Variants in LAMA3 observed in about 807,000 individuals in gnomAD.
LAMA3 encodes laminin subunit alpha-3.
In LAMA3, 281 loss-of-function variants were observed where a neutral mutation model predicts 402.0. The ratio of observed to expected loss-of-function variants is 0.70; its 90% confidence interval spans 0.63 to 0.77. The LOEUF is 0.77. Ranked by LOEUF, LAMA3 falls within the 30% of genes least tolerant of loss-of-function variation. The pLI is 0.00. For synonymous variants in LAMA3, 1,431 were observed against 1,558.4 expected (o/e 0.92, Z 1.93); for missense variants, 3,840 against 4,215.5 (o/e 0.91, Z 2.47).
At chr18:23,841,132 A>G (rs1349243542) in intron 27 of LAMA3, among the ~76,000 whole-genome samples, 1 of 152,240 alleles carries the variant, frequency 6.6e-6, no homozygotes, top group Non-Finnish European at 1.5e-5. Flanking sequence ...GGCAGTCCAG[A>G]ATAATAGGGG....
intron 68 of LAMA3, among the ~76,000 whole-genome samples, chr18:23,940,366 G>A (rs758856044): frequency 7.2e-5 from 11 of 152,206 alleles, no homozygotes; most frequent in East Asian, 1.9e-4. Flanking sequence ...TAAATGGCCC[G>A]GCTCTAATAC....
chr18:23,797,331 T>A (rs2062783652), intron 12 of LAMA3, among the ~76,000 whole-genome samples: 1 of 152,088 alleles, frequency 6.6e-6, no homozygotes, highest in Non-Finnish European at 1.5e-5. Context: ...TTACAACCAA[T>A]CACCATGGCC....
At chr18:23,707,194 A>G (rs940876420) in intron 1 of LAMA3, among the ~76,000 whole-genome samples, 13 of 152,216 alleles carry the variant, frequency 8.5e-5, no homozygotes, top group African/African-American at 2.9e-4. Flanking sequence ...ACTTAGTTGC[A>G]TTCAGCTGGT....
chr18:23,894,775 G>C, intron 43 of LAMA3, 132 bp from the exon 44 acceptor site: 1 of 1,111,596 alleles, frequency 9.0e-7, no homozygotes, highest in South Asian at 1.3e-5. Flanking sequence ...CCATCCCTGA[G>C]AAGGCCAGGG....
Position 23,890,021 on chromosome 18 carries a change from G to T in LAMA3, c.5314G>T (p.Gly1772Ter). 1 of 1,613,300 alleles carries T rather than the reference G, an allele frequency of 6.2e-7. No homozygotes were observed. The highest frequency in any genetic ancestry group is 8.5e-7 in the Non-Finnish European group (1 of 1,179,266). Residue 1772 changes from glycine (G) to a stop codon, truncating the protein, a stop_gained, in exon 42 of 75, where the codon GGA (glycine) becomes TGA (stop). Coordinates refer to ENST00000313654, the MANE Select transcript of LAMA3 (RefSeq NM_198129.4). LOFTEE classifies it high-confidence loss of function. ...CTATATTTTGTGTAGGTGTGCACCG[G>T]GATATTTCGGGAATCCCCAGAAATT... ...TGTQCERCAP[G>*]YFGNPQKFGG...
At chr18:23,753,914 A>G (rs1568147377) in intron 6 of LAMA3, 102 bp downstream of exon 6, 2 of 791,246 alleles carry the variant, frequency 2.5e-6, no homozygotes, top group East Asian at 5.3e-5. Context: ...TCCTGTCCTC[A>G]ATAGGAATGA....
chr18:23,883,384 A>G (rs1199039553), intron 40 of LAMA3, among the ~76,000 whole-genome samples: 1 of 152,202 alleles, frequency 6.6e-6, no homozygotes, highest in Non-Finnish European at 1.5e-5. Flanking sequence ...CAAAGGGTTC[A>G]CTGTGGGCCC....
Position 23,814,389 on chromosome 18 carries a change from AT to A in LAMA3, c.1789-10del. The A allele has an allele frequency of 6.4e-7, 1 of 1,572,988 alleles. No individual in the cohort carries two copies. Among genetic ancestry groups the A allele is most frequent in the Non-Finnish European group, 8.8e-7 (1 of 1,142,682 alleles). ...TTCCAAGATGTCAAATGTTTGTTTG[AT>A]TTTCATTCAAAGGGGTATTGCCAAT... On this transcript the variant is annotated splice_polypyrimidine_tract_variant and intron_variant, in intron 14 of 74. Coordinates refer to ENST00000313654, the MANE Select transcript of LAMA3 (RefSeq NM_198129.4).
chr18:23,714,078 C>T lies in LAMA3; in HGVS notation c.447+6C>T. On this transcript the variant is annotated splice_donor_region_variant and intron_variant, in intron 2 of 74. Transcript: ENST00000313654. Reference sequence around the variant, plus strand: ...TCACCTTGGATCTGGGGCAGGTGAGCTACACTTTTAACTGGAATGGGAACA... The same window carrying T: ...TCACCTTGGATCTGGGGCAGGTGAGTTACACTTTTAACTGGAATGGGAACA... 6.2e-7 allele frequency: 1 copy of T among 1,612,676 alleles called. No homozygotes were observed. Among genetic ancestry groups the T allele is most frequent in the Non-Finnish European group, 8.5e-7 (1 of 1,178,966 alleles).
chr18:23,691,042 A>G (rs2060578618), intron 1 of LAMA3, among the ~76,000 whole-genome samples: 2 of 151,968 alleles, frequency 1.3e-5, no homozygotes, highest in South Asian at 2.1e-4. Flanking sequence ...TCCTGACTTC[A>G]AATCCTGGAC....
In LAMA3 at chr18:23,858,849, G is replaced by C. The variant is rs759956499; in HGVS notation, c.4422+20G>C. On this transcript the variant is annotated intron_variant, in intron 34 of 74. Coordinates refer to ENST00000313654, the MANE Select transcript of LAMA3 (RefSeq NM_198129.4). ...ACTAAGGTATGCATTGACAGAAAGT[G>C]CTGGGGAACATTTTGTACATGGATT... The C allele has an allele frequency of 1.2e-6, 2 of 1,612,674 alleles. No individual in the cohort carries two copies. The highest frequency in any genetic ancestry group is 1.3e-5 in the African/African-American group (1 of 75,046).
At chr18:23,834,115 T>A in intron 24 of LAMA3, 127 bp downstream of exon 24, 1 of 1,067,066 alleles carries the variant, frequency 9.4e-7, no homozygotes, top group Non-Finnish European at 1.4e-6. Context: ...AACAAGCAGG[T>A]GACTAGTTGT....
Position 23,905,603 on chromosome 18 carries a change from A to T in LAMA3, c.6697A>T (p.Thr2233Ser). ...TAAACTGTTAAATGAAGCCAAGATG[A>T]CACAAAAGAAGCTAAAGCAAGGTAT... ...SDKLLNEAKM[T>S]QKKLKQEVSP... The change falls in exon 52 of 75, where the codon ACA (threonine) becomes TCA (serine). Residue 2233 changes from threonine to serine, a missense_variant. By Grantham distance (58) the Thr-to-Ser change is moderately conservative. This residue lies in a region of LAMA3 where 891 missense variants were observed against 857.5 expected (regional missense o/e 1.04). Coordinates refer to ENST00000313654, the MANE Select transcript of LAMA3 (RefSeq NM_198129.4). The T allele has an allele frequency of 6.2e-7, 1 of 1,608,736 alleles. No homozygotes were observed. Among genetic ancestry groups the T allele is most frequent in the South Asian group, 1.1e-5 (1 of 90,906 alleles).
At chr18:23,734,074 G>A (rs1010359563) in intron 2 of LAMA3, among the ~76,000 whole-genome samples, 3 of 152,206 alleles carry the variant, frequency 2.0e-5, no homozygotes, top group African/African-American at 7.2e-5. Flanking sequence ...GGCCAGCGTG[G>A]GACACGTGAG....
Position 23,842,402 on chromosome 18 carries a change from T to C in LAMA3, c.3344T>C (p.Val1115Ala). Residue 1115 changes from valine to alanine, a missense_variant, in exon 28 of 75, where the codon GTG (valine) becomes GCG (alanine). Physicochemically the swap from Val to Ala is moderately conservative, Grantham distance 64. Coordinates refer to ENST00000313654, the MANE Select transcript of LAMA3 (RefSeq NM_198129.4). The part of the protein sequence containing the change: ...GVTLKAPQNQ[V>A]TLRGRVPHLG... ...CCTCTTTTTTCCTCTTAGAATCAAG[T>C]GACCCTGAGAGGACGTGTACCACAC... 1.9e-6 allele frequency: 3 copies of C among 1,614,212 alleles called. No individual in the cohort carries two copies. Among genetic ancestry groups the C allele is most frequent in the Non-Finnish European group, 2.5e-6 (3 of 1,180,040 alleles).
intron 2 of LAMA3, among the ~76,000 whole-genome samples, chr18:23,730,444 T>A (rs758565898): frequency 6.7e-6 from 1 of 149,472 alleles, no homozygotes; most frequent in African/African-American, 2.5e-5. Context: ...CTTGGCTCAC[T>A]GCAACCTCTG....
intron 1 of LAMA3, among the ~76,000 whole-genome samples, chr18:23,708,648 G>A (rs189258030): frequency 1.3e-5 from 2 of 152,234 alleles, no homozygotes; most frequent in Admixed American, 6.5e-5. Context: ...GAGATGCAAT[G>A]ACTTTTTTAT....
chr18:23,940,662 C>G (rs191903567), intron 68 of LAMA3, among the ~76,000 whole-genome samples: 1 of 152,298 alleles, frequency 6.6e-6, no homozygotes, highest in Admixed American at 6.5e-5. Context: ...GAGCATGCAT[C>G]ACAGGCAGAG....
At chr18:23,833,741 G>T (rs2063528284) in intron 23 of LAMA3, 87 bp from the exon 24 acceptor site, 1 of 1,444,046 alleles carries the variant, frequency 6.9e-7, no homozygotes. Flanking sequence ...GGTGTCTTCT[G>T]GGCTCTATTT....
Sources: allele counts gnomAD v4.1 joint callset (sites outside exome capture counted in the v4.1 genomes callset), GRCh38; gene constraint gnomAD v4.1.1; regional missense constraint gnomAD v4.1.1; transcripts MANE v1.5; gene names NCBI Gene and HGNC (gene_info 2026-07-23, HGNC 2026-07-21).